Variants in IQGAP2 observed in about 807,000 individuals in gnomAD.
The protein encoded by IQGAP2 is ras GTPase-activating-like protein IQGAP2.
IQGAP2 carries 173 observed loss-of-function variants against 201.3 expected under a neutral mutation model. The ratio of observed to expected loss-of-function variants is 0.86; its 90% CI spans 0.76 to 0.98. The LOEUF (loss-of-function observed/expected upper bound fraction) is 0.98. IQGAP2 is among the 50% of genes least tolerant of loss of function. The pLI is 0.00. For synonymous variants in IQGAP2, 675 were observed against 673.9 expected (o/e 1.00, Z -0.03); for missense variants, 1,687 against 1,864.8 (o/e 0.90, Z 1.76).
chr5:76,404,407 C>T (rs768144675), intron 1 of IQGAP2: 8 of 945,920 alleles, frequency 8.5e-6, no homozygotes, highest in Non-Finnish European at 1.0e-5. Context: ...AAACATGTGC[C>T]AGGAAGCATT....
Position 76,496,768 on chromosome 5 carries a change from T to TCCTTC in IQGAP2, c.146+35100_146+35101insCTTCC, listed in dbSNP as rs1561416655. On this transcript the variant is annotated intron_variant, in intron 2 of 35. Coordinates refer to ENST00000274364, the MANE Select transcript of IQGAP2 (RefSeq NM_006633.5). ...TTCTTTCTTTCTTTCTTTCTTTCTT[T>TCCTTC]CTTTCTTTCTTTCTTTCTTTCTTTC... 2.8e-4 allele frequency among the ~76,000 whole-genome samples: 33 copies of TCCTTC among 118,264 alleles called. 1 individual carries two copies. Among genetic ancestry groups the TCCTTC allele is most frequent in the African/African-American group, 1.1e-3 (26 of 22,966 alleles). The allele number at this position is 118,264 out of a possible 152,430, so 77.6% of individuals were successfully genotyped here.
chr5:76,550,287 G>T (rs1278343376), intron 2 of IQGAP2, among the ~76,000 whole-genome samples: 5 of 151,820 alleles, frequency 3.3e-5, no homozygotes, highest in South Asian at 2.1e-4. Context: ...CAATTTTAAG[G>T]CCTGAAAATA....
chr5:76,606,535 G>GT lies in IQGAP2; in HGVS notation c.1357+233dup, dbSNP rs1747820338. 16 of 268,798 alleles carry GT rather than the reference G, an allele frequency of 6.0e-5. No individual in the cohort carries two copies. In the South Asian group the frequency reaches 2.5e-3, roughly 43 times the overall value. The allele number at this position is 268,798 out of a possible 1,614,324, so 16.7% of individuals were successfully genotyped here. On this transcript the variant is annotated intron_variant, in intron 12 of 35. Coordinates refer to ENST00000274364, the MANE Select transcript of IQGAP2 (RefSeq NM_006633.5). ...ATTCATAATATAATAAAATACACAA[G>GT]TAAAAGGCCTGATTTTTCTGGTTAT...
intron 2 of IQGAP2, among the ~76,000 whole-genome samples, chr5:76,534,609 T>C (rs1387064286): frequency 6.6e-6 from 1 of 152,254 alleles, no homozygotes; most frequent in South Asian, 2.1e-4. Flanking sequence ...TCCTCATTAA[T>C]ACTTGTTTTC....
chr5:76,427,187 A>G (rs1253273641), intron 1 of IQGAP2, among the ~76,000 whole-genome samples: 1 of 152,154 alleles, frequency 6.6e-6, no homozygotes, highest in Non-Finnish European at 1.5e-5. Context: ...TTCACCTGTG[A>G]CAACACAAAA....
chr5:76,496,381 G>C (rs1419652913), intron 2 of IQGAP2, among the ~76,000 whole-genome samples: 3 of 152,192 alleles, frequency 2.0e-5, no homozygotes, highest in Non-Finnish European at 4.4e-5. Context: ...ATTTCCTGGG[G>C]TTGAAGGATT....
At chr5:76,602,764 A>G (rs1430552748) in intron 11 of IQGAP2, among the ~76,000 whole-genome samples, 1 of 152,124 alleles carries the variant, frequency 6.6e-6, no homozygotes, top group Non-Finnish European at 1.5e-5. Flanking sequence ...CCAGTTTTGC[A>G]GATTATCAAG....
At chr5:76,693,255 C>T (rs1333926458) in intron 30 of IQGAP2, 100 bp from the exon 31 acceptor site, 1 of 679,252 alleles carries the variant, frequency 1.5e-6, no homozygotes, top group African/African-American at 1.8e-5. Context: ...ATCTTTGAAG[C>T]TTCAGTATTG....
chr5:76,601,594 TGA>T (rs1445461086), intron 11 of IQGAP2, among the ~76,000 whole-genome samples: 1 of 152,202 alleles, frequency 6.6e-6, no homozygotes, highest in East Asian at 1.9e-4. Context: ...GGGAGCCAGA[TGA>T]GAGAGTCGCT....
intron 4 of IQGAP2, among the ~76,000 whole-genome samples, chr5:76,573,913 T>C (rs1745293459): frequency 6.6e-6 from 1 of 152,040 alleles, no homozygotes. Flanking sequence ...CTAATACTCT[T>C]CTGAATTTAG....
At position 76,504,963 on chromosome 5, in the gene IQGAP2, C is replaced by T. The variant is rs575424981; in HGVS notation, c.146+43294C>T. 5.3e-5 allele frequency among the ~76,000 whole-genome samples: 8 copies of T among 152,236 alleles called. No individual in the cohort carries two copies. The East Asian group carries it at 1.5e-3, about 29-fold the overall frequency. ...CTCCCCTTAGAGGCCTTACACCAGC[C>T]CCCACTTGCTGAAATCCACCCCACC... On this transcript the variant is annotated intron_variant, in intron 2 of 35. Coordinates refer to ENST00000274364, the MANE Select transcript of IQGAP2 (RefSeq NM_006633.5).
chr5:76,558,848 C>A (rs189093298), intron 2 of IQGAP2, among the ~76,000 whole-genome samples: 33 of 152,284 alleles, frequency 2.2e-4, no homozygotes, highest in Admixed American at 1.9e-3. Flanking sequence ...TGGTGCAGAA[C>A]CCTCCCTTCA....
At position 76,600,929 on chromosome 5, in the gene IQGAP2, C is replaced by T. The variant is rs1385094063; in HGVS notation, c.1189C>T (p.Pro397Ser). 1 of 1,614,094 alleles carries T rather than the reference C, an allele frequency of 6.2e-7. No homozygotes were observed. The highest frequency in any genetic ancestry group is 1.1e-5 in the South Asian group (1 of 91,078). ...GTCTGTGCAGAATCAACTCAGAAGCCCCGCAATAGGCTTAAACAATCTGGA... is the reference window on the plus strand; with the variant it reads ...GTCTGTGCAGAATCAACTCAGAAGCTCCGCAATAGGCTTAAACAATCTGGA... ...LVSVQNQLRSPAIGLNNLDKA... is the reference protein window; with the variant it reads ...LVSVQNQLRSSAIGLNNLDKA... Residue 397 changes from proline (P) to serine (S), a missense_variant, in exon 11 of 36, where the codon CCC becomes TCC. By Grantham distance (74) the Pro-to-Ser change is moderately conservative. Coordinates refer to ENST00000274364, the MANE Select transcript of IQGAP2 (RefSeq NM_006633.5).
rs2069702 is a variant in IQGAP2, at chr5:76,617,476, A to G, written c.1521+6293A>G. 7,086 of 801,560 alleles carry G rather than the reference A, an allele frequency of 8.8e-3. 49 individuals are homozygous for G. Among genetic ancestry groups the G allele is most frequent in the Middle Eastern group, 0.015 (40 of 2,642 alleles). 49.7% of individuals were successfully genotyped at this position (801,560 alleles called of 1,614,324 possible). On this transcript the variant is annotated intron_variant, in intron 13 of 35. Coordinates refer to ENST00000274364, the MANE Select transcript of IQGAP2 (RefSeq NM_006633.5). Reference sequence around the variant, plus strand: ...TTTTGTAATGTTTGACCTTTGAAGCATATTTCTTAGGAGCTCGGAAATGGA... The same window carrying G: ...TTTTGTAATGTTTGACCTTTGAAGCGTATTTCTTAGGAGCTCGGAAATGGA...
chr5:76,569,498 A>C (rs1480368823), intron 3 of IQGAP2, among the ~76,000 whole-genome samples: 1 of 152,220 alleles, frequency 6.6e-6, no homozygotes, highest in Non-Finnish European at 1.5e-5. Flanking sequence ...AATTTACATG[A>C]AGTGATTGGA....
intron 12 of IQGAP2, chr5:76,609,073 T>A: frequency 6.5e-7 from 1 of 1,529,280 alleles, no homozygotes; most frequent in Non-Finnish European, 8.8e-7. Flanking sequence ...TCAGCTCCTA[T>A]GATGTCATTC....
At chr5:76,675,925 T>C (rs1223881263) in intron 27 of IQGAP2, among the ~76,000 whole-genome samples, 1 of 151,866 alleles carries the variant, frequency 6.6e-6, no homozygotes, top group Non-Finnish European at 1.5e-5. Context: ...ACAAAAAATT[T>C]AAAAAATTAT....
chr5:76,649,939 G>A (rs1299459030), intron 17 of IQGAP2, among the ~76,000 whole-genome samples: 1 of 152,240 alleles, frequency 6.6e-6, no homozygotes, highest in Non-Finnish European at 1.5e-5. Flanking sequence ...GACATGGAAG[G>A]CACTAAGGCT....
At chr5:76,604,265 G>T (rs1490151010) in intron 11 of IQGAP2, among the ~76,000 whole-genome samples, 1 of 151,962 alleles carries the variant, frequency 6.6e-6, no homozygotes, top group Non-Finnish European at 1.5e-5. Flanking sequence ...TGCTGAGAAT[G>T]ATGGTTTCCA....
Sources: gnomAD v4.1 joint callset for allele counts (sites outside exome capture counted in the v4.1 genomes callset) on GRCh38, gnomAD v4.1.1 for gene constraint, MANE v1.5 for transcripts, NCBI Gene and HGNC (gene_info 2026-07-23, HGNC 2026-07-21) for gene names.